The following DDX27 variants were observed in gnomAD, a reference collection of about 807,000 sequenced individuals.
DDX27 encodes the protein DEAD-box helicase 27.
A neutral mutation model predicts 99.3 loss-of-function variants in DDX27; 42 were observed. The observed-to-expected ratio is 0.42, with a 90% CI of 0.33 to 0.55. The LOEUF (loss-of-function observed/expected upper bound fraction) is 0.55, where lower values mean the gene tolerates loss of function less well. DDX27 is among the 20% of genes least tolerant of loss of function. The pLI is 0.07. For missense variants in DDX27, 798 were observed against 976.8 expected (o/e 0.82, Z 2.44); for synonymous variants, 329 against 353.8 (o/e 0.93, Z 0.79).
chr20:49,235,941 C>T (rs1980288130), intron 12 of DDX27: 1 of 340,130 alleles, frequency 2.9e-6, no homozygotes, highest in South Asian at 8.1e-5. Context: ...GACGGGGTTT[C>T]ACCGTGTTAG....
intron 14 of DDX27, among the ~76,000 whole-genome samples, chr20:49,237,300 G>A (rs575252617): frequency 1.3e-5 from 2 of 152,314 alleles, no homozygotes; most frequent in East Asian, 3.9e-4. Context: ...CTGCACTGCA[G>A]CCTGGGCAAA....
intron 9 of DDX27, 111 bp downstream of exon 9, chr20:49,230,460 G>GCTGATC (rs1980067999): frequency 3.1e-6 from 4 of 1,301,342 alleles, no homozygotes; most frequent in Non-Finnish European, 4.2e-6. Flanking sequence ...ATGGCTGTTG[G>GCTGATC]TGTGCGATAC....
At chr20:49,242,715 T>G in intron 19 of DDX27, 34 bp downstream of exon 19, 1 of 1,439,716 alleles carries the variant, frequency 6.9e-7, no homozygotes, top group Non-Finnish European at 9.4e-7. Context: ...GCCCTTGGTA[T>G]TCTTTTTTTT....
chr20:49,236,502 T>C lies in DDX27; in HGVS notation c.1679T>C (p.Leu560Pro). The part of the protein sequence containing the change: ...AAKAPVKARI[L>P]PQDVILKFRD... ...AAGGCCCCTGTGAAGGCCAGGATAC[T>C]TCCCCAAGGTGAGCAGGCACCCCTG... Residue 560 changes from leucine (L) to proline (P), a missense_variant, in exon 14 of 21, where the codon CTT becomes CCT. By Grantham distance (98) the Leu-to-Pro change is moderately conservative. This residue lies in a region of DDX27 where 553 missense variants were observed against 727.9 expected (regional missense o/e 0.76). Transcript: ENST00000618172. This position sits in a 1 kb window ranked among gnomAD's most constrained non-coding sequence, Gnocchi z 4.1. The C allele has an allele frequency of 1.3e-6, 2 of 1,583,108 alleles. No individual in the cohort carries two copies. The highest frequency in any genetic ancestry group is 1.2e-5 in the South Asian group (1 of 85,738).
At chr20:49,225,835 T>A (rs369239870) in intron 6 of DDX27, among the ~76,000 whole-genome samples, 1 of 152,112 alleles carries the variant, frequency 6.6e-6, no homozygotes, top group South Asian at 2.1e-4. Flanking sequence ...GTCTCACTCT[T>A]CTTAGAAGCC....
intron 6 of DDX27, among the ~76,000 whole-genome samples, chr20:49,225,665 C>G (rs1378334935): frequency 1.3e-5 from 2 of 152,022 alleles, no homozygotes; most frequent in Admixed American, 6.6e-5. Context: ...CCGTGTTAGC[C>G]AGGATGGTCT....
chr20:49,239,997 A>G (rs1368902935), intron 16 of DDX27, among the ~76,000 whole-genome samples: 1 of 152,226 alleles, frequency 6.6e-6, no homozygotes, highest in Non-Finnish European at 1.5e-5. Context: ...CACTTACCTG[A>G]GATATCTAGC....
At chr20:49,230,680 TGAG>T (rs1022634206) in intron 9 of DDX27, among the ~76,000 whole-genome samples, 2 of 152,190 alleles carry the variant, frequency 1.3e-5, no homozygotes, top group African/African-American at 4.8e-5. Context: ...ACCATAGTGT[TGAG>T]GAGCTGAGGA....
At chr20:49,235,249 T>A (rs545068101) in intron 12 of DDX27, 161 bp downstream of exon 12, 2 of 726,510 alleles carry the variant, frequency 2.8e-6, no homozygotes, top group East Asian at 6.0e-5. Context: ...AGGTCATGTC[T>A]TAGATGTGTT....
intron 9 of DDX27, among the ~76,000 whole-genome samples, chr20:49,231,304 T>C (rs769128441): frequency 2.6e-5 from 4 of 152,192 alleles, no homozygotes; most frequent in Non-Finnish European, 5.9e-5. Context: ...AACAAGGGCA[T>C]GTCTAGTATA....
Position 49,225,453 on chromosome 20 carries a change from C to CTTTTT in DDX27, c.600+270_600+274dup, listed in dbSNP as rs772387461. On this transcript the variant is annotated intron_variant, in intron 6 of 20. Coordinates refer to ENST00000618172, the MANE Select transcript of DDX27 (RefSeq NM_017895.8). Reference sequence around the variant, plus strand: ...GTCCATACAGTTGCCAGAGAACTCCCTTTTTTTTTTTTTTTTTTTTGAGAC... The same window carrying CTTTTT: ...GTCCATACAGTTGCCAGAGAACTCCCTTTTTTTTTTTTTTTTTTTTTTTTTGAGAC... Among the ~76,000 whole-genome samples, 10 of 107,294 alleles carry CTTTTT rather than the reference C, an allele frequency of 9.3e-5. 1 individual carries two copies. The highest frequency in any genetic ancestry group is 1.2e-4 in the Admixed American group (1 of 8,556). 70.4% of individuals were successfully genotyped at this position (107,294 alleles called of 152,430 possible).
chr20:49,227,038 A>C (rs1285923626), intron 7 of DDX27, among the ~76,000 whole-genome samples: 1 of 148,778 alleles, frequency 6.7e-6, no homozygotes, highest in African/African-American at 2.5e-5. Flanking sequence ...AATTTTTTGT[A>C]TTTTTAGTAG....
chr20:49,226,894 G>A lies in DDX27; in HGVS notation c.706+359G>A, dbSNP rs1055013759. On this transcript the variant is annotated intron_variant, in intron 7 of 20. Coordinates refer to ENST00000618172, the MANE Select transcript of DDX27 (RefSeq NM_017895.8). ...TTTTTTTTTTTTGAGACGGAGTCTC[G>A]CTCTGTCGCCCAGGCTGGAGTGCAG... Among the ~76,000 whole-genome samples the A allele has an allele frequency of 3.7e-4, 44 of 119,796 alleles. No homozygotes were observed. The East Asian group carries it at 8.6e-3, about 24-fold the overall frequency. The allele number at this position is 119,796 out of a possible 152,430, so 78.6% of individuals were successfully genotyped here. A position where few individuals can be genotyped will look rare whatever the true frequency, so the allele number is the denominator to read the frequency against.
chr20:49,231,980 A>ACT (rs752313656), intron 9 of DDX27, among the ~76,000 whole-genome samples: 4 of 150,118 alleles, frequency 2.7e-5, no homozygotes, highest in Non-Finnish European at 5.9e-5. Flanking sequence ...TACTTCCTAG[A>ACT]CTCAGGTGAT....
chr20:49,219,893 A>G (rs915259881), intron 1 of DDX27, among the ~76,000 whole-genome samples: 1 of 152,032 alleles, frequency 6.6e-6, no homozygotes, highest in Non-Finnish European at 1.5e-5. Flanking sequence ...GTCCTTTCGT[A>G]TGTTCATCGA....
rs760221520 is a variant in DDX27 at position 49,236,255 on chromosome 20, G to T, written c.1509+24G>T. The T allele has an allele frequency of 5.1e-6, 8 of 1,582,386 alleles. No homozygotes were observed. In the Admixed American group the frequency reaches 1.4e-4, roughly 29 times the overall value. Reference sequence around the variant, plus strand: ...CGGTGAGCAGACACTATCTTCCTTGGACTTTTGGTGGAAGTCTTTTTGCCT... The same window carrying T: ...CGGTGAGCAGACACTATCTTCCTTGTACTTTTGGTGGAAGTCTTTTTGCCT... On this transcript the variant is annotated intron_variant, in intron 13 of 20. Coordinates refer to ENST00000618172, the MANE Select transcript of DDX27 (RefSeq NM_017895.8). This position sits in a 1 kb window ranked among gnomAD's most constrained non-coding sequence, Gnocchi z 4.1.
At chr20:49,219,640 C>G in intron 1 of DDX27, 99 bp downstream of exon 1, 1 of 1,307,986 alleles carries the variant, frequency 7.6e-7, no homozygotes, top group South Asian at 1.5e-5. Context: ...CCCTGCCAGC[C>G]CCGGAAGTTT....
At chr20:49,231,795 G>T (rs554879565) in intron 9 of DDX27, among the ~76,000 whole-genome samples, 1 of 152,106 alleles carries the variant, frequency 6.6e-6, no homozygotes, top group African/African-American at 2.4e-5. Context: ...GCCCAGCAGC[G>T]CTGTCCCCAT....
rs187636429 is a variant in DDX27, at chr20:49,219,786, A to C, written c.93+245A>C. Among the ~76,000 whole-genome samples, 695 of 152,164 alleles carry C rather than the reference A, an allele frequency of 4.6e-3. 1 individual carries two copies. The highest frequency in any genetic ancestry group is 7.5e-3 in the Non-Finnish European group (509 of 68,018). On this transcript the variant is annotated intron_variant, in intron 1 of 20. Coordinates refer to ENST00000618172, the MANE Select transcript of DDX27 (RefSeq NM_017895.8). The stretch of plus-strand genomic sequence containing the variant: ...AACTCAGTATCTATTCACTGAACTG[A>C]TATTTAACCACGCCCTGTGTAAGAG...
Sources: gnomAD v4.1 joint callset for allele counts (sites outside exome capture counted in the v4.1 genomes callset) on GRCh38, gnomAD v4.1.1 for gene constraint, gnomAD v4.1.1 regional missense constraint, Gnocchi (gnomAD v3.1) non-coding constraint, MANE v1.5 for transcripts, NCBI Gene and HGNC (gene_info 2026-07-23, HGNC 2026-07-21) for gene names.